The following CCDC178 variants were observed in gnomAD, a reference collection of about 807,000 sequenced individuals.
The protein encoded by CCDC178 is coiled-coil domain-containing protein 178.
Under a neutral mutation model 117.4 loss-of-function variants are expected in CCDC178, and 126 were observed. The observed-to-expected ratio is 1.07, with a 90% confidence interval of 0.93 to 1.24. CCDC178 has a LOEUF of 1.24. Among genes scored for constraint, CCDC178 ranks in the 50% most tolerant of loss-of-function variants. The pLI is 0.00. For synonymous variants in CCDC178, 283 were observed against 313.4 expected, an observed-to-expected ratio of 0.90 and a Z score of 1.02; for missense variants, 1,030 against 986.9, an observed-to-expected ratio of 1.04 and a Z score of -0.59.
In CCDC178 at chr18:33,294,311, T is replaced by C. The variant is rs545511532; in HGVS notation, c.1023-999A>G. On this transcript the variant is annotated intron_variant, in intron 11 of 22. Coordinates refer to ENST00000383096, the MANE Select transcript of CCDC178 (RefSeq NM_001105528.4). ...TTTCATAAACTATCAGCAAATAATA[T>C]AGATAATTACAACTTTTTAAAGACA... Among the ~76,000 whole-genome samples, 25 of 152,162 alleles carry C rather than the reference T, an allele frequency of 1.6e-4. No homozygotes were observed. In the East Asian group the frequency reaches 4.3e-3, roughly 26 times the overall value.
intron 5 of CCDC178, among the ~76,000 whole-genome samples, chr18:33,379,125 A>AATATATATATTTCCATATATATATT (rs2063402075): frequency 1.5e-4 from 1 of 6,784 alleles, no homozygotes; most frequent in African/African-American, 1.7e-4. Flanking sequence ...ATATATATAT[A>AATATATATATTTCCATATATATATT]ATATATATAT....
chr18:33,272,224 G>T lies in CCDC178; in HGVS notation c.1177-4927C>A, dbSNP rs112432825. ...ACTAAAATCAGAAATTCAAGAGAGA[G>T]TATTGCTATGAACCTTCAAAAAGTG... On this transcript the variant is annotated intron_variant, in intron 12 of 22. Coordinates refer to ENST00000383096, the MANE Select transcript of CCDC178 (RefSeq NM_001105528.4). Among the ~76,000 whole-genome samples the T allele has an allele frequency of 6.2e-3, 944 of 151,406 alleles. 7 individuals carry two copies. The highest frequency in any genetic ancestry group is 0.034 in the Middle Eastern group (10 of 292).
At chr18:32,943,940 G>A (rs1253594370) in intron 22 of CCDC178, among the ~76,000 whole-genome samples, 1 of 152,150 alleles carries the variant, frequency 6.6e-6, no homozygotes, top group Non-Finnish European at 1.5e-5. Flanking sequence ...ACCTTGTATG[G>A]ACATTGTAAG....
At chr18:33,362,088 TA>T (rs1243780747) in intron 6 of CCDC178, among the ~76,000 whole-genome samples, 1 of 151,608 alleles carries the variant, frequency 6.6e-6, no homozygotes, top group African/African-American at 2.4e-5. Context: ...AAAGAAAATG[TA>T]GGAGTGTGTT....
At chr18:33,292,645 T>C (rs961653062) in intron 12 of CCDC178, among the ~76,000 whole-genome samples, 3 of 152,032 alleles carry the variant, frequency 2.0e-5, no homozygotes, top group African/African-American at 7.2e-5. Context: ...TCATTACACA[T>C]TGTATACAGG....
chr18:32,984,022 G>A (rs948360226), intron 21 of CCDC178, among the ~76,000 whole-genome samples: 1 of 151,882 alleles, frequency 6.6e-6, no homozygotes, highest in Non-Finnish European at 1.5e-5. Context: ...AATATCAAAA[G>A]TAATGAGATA....
rs201164954 is a variant in CCDC178 at position 33,003,219 on chromosome 18, A to AT, written c.2389-28539_2389-28538insA. Among the ~76,000 whole-genome samples the AT allele has an allele frequency of 4.0e-3, 601 of 151,992 alleles. 6 individuals carry two copies. Among genetic ancestry groups the AT allele is most frequent in the African/African-American group, 0.014 (576 of 41,350 alleles). On this transcript the variant is annotated intron_variant, in intron 21 of 22. Transcript: ENST00000383096. ...TGATACCAAAACCTGACAAAGATGCACCAAAAAAAAGAAAAGAAAAACTAC... is the reference window on the plus strand; with the variant it reads ...TGATACCAAAACCTGACAAAGATGCATCCAAAAAAAAGAAAAGAAAAACTAC...
At chr18:33,392,590 A>G (rs573597691) in intron 4 of CCDC178, among the ~76,000 whole-genome samples, 1 of 152,350 alleles carries the variant, frequency 6.6e-6, no homozygotes, top group East Asian at 1.9e-4. Context: ...TACTGACACG[A>G]AAGAATCAAA....
chr18:33,283,032 G>T (rs1335372468), intron 12 of CCDC178, among the ~76,000 whole-genome samples: 1 of 152,146 alleles, frequency 6.6e-6, no homozygotes, highest in Non-Finnish European at 1.5e-5. Flanking sequence ...CCAACAAGCT[G>T]CATTGCCTCT....
chr18:33,159,029 ATAGAACTCACTTTTTCATAAGAAAAATGT>A (rs2058433240), intron 20 of CCDC178, among the ~76,000 whole-genome samples: 1 of 152,090 alleles, frequency 6.6e-6, no homozygotes, highest in African/African-American at 2.4e-5. Flanking sequence ...ACTATGCATA[ATAGAACTCACTTTTTCATAAGAAAAATGT>A]TCTTATGAAT....
intron 20 of CCDC178, among the ~76,000 whole-genome samples, chr18:33,190,281 G>T (rs1769593688): frequency 6.6e-6 from 1 of 152,102 alleles, no homozygotes; most frequent in Non-Finnish European, 1.5e-5. Context: ...ATTTCATTGT[G>T]TATTAGGTTG....
At chr18:33,372,043 A>C (rs1599235442) in intron 5 of CCDC178, among the ~76,000 whole-genome samples, 1 of 152,182 alleles carries the variant, frequency 6.6e-6, no homozygotes, top group Non-Finnish European at 1.5e-5. Flanking sequence ...ATTTTTCTTG[A>C]CTGTGCCACT....
intron 20 of CCDC178, among the ~76,000 whole-genome samples, chr18:33,169,457 G>T (rs554057926): frequency 6.6e-6 from 1 of 152,136 alleles, no homozygotes; most frequent in Non-Finnish European, 1.5e-5. Flanking sequence ...AGGAGGCAAA[G>T]GCTCAAGTTT....
At chr18:33,239,659 T>G (rs1301771499) in intron 15 of CCDC178, among the ~76,000 whole-genome samples, 1 of 151,774 alleles carries the variant, frequency 6.6e-6, no homozygotes, top group East Asian at 1.9e-4. Context: ...AGAAAATTTG[T>G]AAACACATAC....
intron 20 of CCDC178, among the ~76,000 whole-genome samples, chr18:33,163,386 T>C (rs1315159360): frequency 1.3e-5 from 2 of 152,190 alleles, no homozygotes; most frequent in East Asian, 3.8e-4. Flanking sequence ...ACAACACAAG[T>C]CTCATTTAAA....
intron 20 of CCDC178, among the ~76,000 whole-genome samples, chr18:33,102,214 A>G (rs775832852): frequency 2.0e-5 from 3 of 151,870 alleles, no homozygotes; most frequent in Non-Finnish European, 4.4e-5. Flanking sequence ...TTCTTGCCCA[A>G]GGTCACACAT....
chr18:33,353,119 A>G (rs895701464), intron 7 of CCDC178, among the ~76,000 whole-genome samples: 7 of 151,896 alleles, frequency 4.6e-5, no homozygotes, highest in Non-Finnish European at 1.0e-4. Flanking sequence ...TAGTTTATAT[A>G]TCTTCTTGGT....
intron 15 of CCDC178, among the ~76,000 whole-genome samples, chr18:33,230,246 C>CTGTGTG (rs111674114): frequency 4.3e-4 from 63 of 148,096 alleles, no homozygotes; most frequent in African/African-American, 1.5e-3. Flanking sequence ...AACTCAGAGG[C>CTGTGTG]TGTGTGTGTG....
chr18:33,069,857 G>C (rs2057078808), intron 21 of CCDC178, among the ~76,000 whole-genome samples: 1 of 151,962 alleles, frequency 6.6e-6, no homozygotes. Context: ...CTTAAAAAAT[G>C]GGTAAAGGAT....
Sources: allele counts gnomAD v4.1 joint callset (sites outside exome capture counted in the v4.1 genomes callset), GRCh38; gene constraint gnomAD v4.1.1; transcripts MANE v1.5; gene names NCBI Gene and HGNC (gene_info 2026-07-23, HGNC 2026-07-21).